The following TAFA1 variants were observed in gnomAD, a reference collection of about 807,000 sequenced individuals.
The protein encoded by TAFA1 is TAFA chemokine like family member 1.
A neutral mutation model predicts 18.5 loss-of-function variants in TAFA1; 4 were observed. The observed-to-expected ratio is 0.22, with a 90% CI of 0.11 to 0.49. TAFA1 has a LOEUF of 0.49. Among genes scored for constraint, TAFA1 ranks in the 20% least tolerant of loss-of-function variants. The probability of loss-of-function intolerance (pLI) is 0.98; values close to 1 mark genes in which losing one functional copy is unlikely to be tolerated. For missense variants in TAFA1, 147 were observed against 169.0 expected, an observed-to-expected ratio of 0.87 and a Z score of 0.72; for synonymous variants, 56 against 55.2, an observed-to-expected ratio of 1.01 and a Z score of -0.06.
chr3:68,159,795 C>T (rs1287954852), intron 2 of TAFA1, among the ~76,000 whole-genome samples: 1 of 152,158 alleles, frequency 6.6e-6, no homozygotes, highest in East Asian at 1.9e-4. Context: ...CTCAGCTGCT[C>T]AGTAGATAAG....
chr3:68,379,570 T>C (rs2069889451), intron 2 of TAFA1, among the ~76,000 whole-genome samples: 1 of 152,160 alleles, frequency 6.6e-6, no homozygotes. Context: ...TCTTTGCCTG[T>C]TGCTTTGTCA....
chr3:68,066,587 A>G (rs747181839), intron 2 of TAFA1, among the ~76,000 whole-genome samples: 1 of 152,228 alleles, frequency 6.6e-6, no homozygotes, highest in Non-Finnish European at 1.5e-5. Flanking sequence ...AGCAGTACCC[A>G]GGTTATACAG....
chr3:68,339,763 C>T (rs2069047970), intron 2 of TAFA1, among the ~76,000 whole-genome samples: 2 of 152,136 alleles, frequency 1.3e-5, no homozygotes, highest in Non-Finnish European at 2.9e-5. Context: ...TCTTTGCAAA[C>T]TATGACTAGG....
intron 2 of TAFA1, among the ~76,000 whole-genome samples, chr3:68,308,640 A>C (rs749844840): frequency 2.6e-5 from 4 of 152,322 alleles, no homozygotes; most frequent in African/African-American, 9.6e-5. Flanking sequence ...TGTTTTCATC[A>C]TCCTCCTCCT....
chr3:68,536,514 G>A (rs187001078), intron 3 of TAFA1, among the ~76,000 whole-genome samples: 3 of 152,252 alleles, frequency 2.0e-5, no homozygotes, highest in East Asian at 1.9e-4. Flanking sequence ...AGAAAGCATC[G>A]TAAGACAAAC....
chr3:68,044,271 C>A (rs1449467511), intron 2 of TAFA1, among the ~76,000 whole-genome samples: 1 of 152,182 alleles, frequency 6.6e-6, no homozygotes, highest in Admixed American at 6.6e-5. Flanking sequence ...CTGCTTTTAT[C>A]TCTGGCATTT....
chr3:68,189,966 G>A (rs752690395), intron 2 of TAFA1, among the ~76,000 whole-genome samples: 3 of 151,804 alleles, frequency 2.0e-5, no homozygotes, highest in Admixed American at 1.3e-4. Context: ...GCTTGGTGAG[G>A]ATAAATTAGA....
At chr3:68,287,945 T>A (rs1032619592) in intron 2 of TAFA1, among the ~76,000 whole-genome samples, 4 of 148,392 alleles carry the variant, frequency 2.7e-5, no homozygotes, top group African/African-American at 4.9e-5. Flanking sequence ...TTTTTCTGAG[T>A]ACCCTAAAAT....
intron 2 of TAFA1, among the ~76,000 whole-genome samples, chr3:68,341,984 G>C (rs185972882): frequency 6.6e-6 from 1 of 152,148 alleles, no homozygotes; most frequent in Non-Finnish European, 1.5e-5. Flanking sequence ...TTGAATGAAG[G>C]CACGTTTGAA....
At chr3:68,057,794 C>A (rs1014795813) in intron 2 of TAFA1, among the ~76,000 whole-genome samples, 5 of 152,110 alleles carry the variant, frequency 3.3e-5, no homozygotes, top group Non-Finnish European at 5.9e-5. Flanking sequence ...ACGACAGAAG[C>A]AGTGGGTGGA....
At chr3:68,465,806 A>G (rs2071876157) in intron 3 of TAFA1, among the ~76,000 whole-genome samples, 1 of 152,112 alleles carries the variant, frequency 6.6e-6, no homozygotes. Context: ...AACATTCCTA[A>G]CTGAAAAATG....
chr3:68,398,897 T>A (rs891857601), intron 2 of TAFA1, among the ~76,000 whole-genome samples: 1 of 152,190 alleles, frequency 6.6e-6, no homozygotes, highest in African/African-American at 2.4e-5. Context: ...AAGGAATAAG[T>A]TTATATTCTA....
At chr3:68,316,025 G>A (rs2068599852) in intron 2 of TAFA1, among the ~76,000 whole-genome samples, 1 of 152,142 alleles carries the variant, frequency 6.6e-6, no homozygotes, top group African/African-American at 2.4e-5. Flanking sequence ...GCATGACAGA[G>A]GGTGATTAAT....
chr3:68,158,942 A>G (rs980293632), intron 2 of TAFA1, among the ~76,000 whole-genome samples: 2 of 152,204 alleles, frequency 1.3e-5, no homozygotes, highest in Admixed American at 6.5e-5. Context: ...TGAAGGAAGA[A>G]ATGAAATCCC....
At chr3:68,115,492 A>G (rs1231655075) in intron 2 of TAFA1, among the ~76,000 whole-genome samples, 1 of 152,224 alleles carries the variant, frequency 6.6e-6, no homozygotes, top group African/African-American at 2.4e-5. Context: ...TCTGGCATAC[A>G]GACCAAATAA....
At chr3:68,533,460 T>G (rs913207466) in intron 3 of TAFA1, among the ~76,000 whole-genome samples, 4 of 152,136 alleles carry the variant, frequency 2.6e-5, no homozygotes, top group African/African-American at 9.6e-5. Flanking sequence ...GGACCTGTGA[T>G]TCCAAATGAG....
intron 3 of TAFA1, among the ~76,000 whole-genome samples, chr3:68,430,370 T>C (rs1025623682): frequency 2.6e-5 from 4 of 151,836 alleles, no homozygotes; most frequent in African/African-American, 4.8e-5. Context: ...GACAATGAAA[T>C]TGCATGAGAC....
intron 2 of TAFA1, among the ~76,000 whole-genome samples, chr3:68,028,343 T>C (rs1006626856): frequency 6.6e-6 from 1 of 151,968 alleles, no homozygotes; most frequent in African/African-American, 2.4e-5. Flanking sequence ...TATATATATA[T>C]AGCTGCATCT....
intron 2 of TAFA1, among the ~76,000 whole-genome samples, chr3:68,365,872 G>A (rs1434353055): frequency 6.6e-6 from 1 of 152,078 alleles, no homozygotes; most frequent in Non-Finnish European, 1.5e-5. Flanking sequence ...CGGATCACAA[G>A]GTCAGGAGTT....
Sources: gnomAD v4.1 joint callset for allele counts (sites outside exome capture counted in the v4.1 genomes callset) on GRCh38, gnomAD v4.1.1 for gene constraint, MANE v1.5 for transcripts, NCBI Gene and HGNC (gene_info 2026-07-23, HGNC 2026-07-21) for gene names.